CLEC20A: variants seen among roughly 807,000 people sequenced by gnomAD.
The protein encoded by CLEC20A is putative C-type lectin domain family 20 member A.
intron 5 of CLEC20A, among the ~76,000 whole-genome samples, chr1:178,487,484 A>C (rs1649176989): frequency 6.6e-6 from 1 of 152,108 alleles, no homozygotes; most frequent in African/African-American, 2.4e-5. Context: ...GTCCTCACCC[A>C]GCCACGCACC....
downstream of CLEC20A, chr1:178,479,067 G>C (rs1648868154): frequency 6.6e-6 from 1 of 152,262 alleles, no homozygotes; most frequent in Non-Finnish European, 1.5e-5. Flanking sequence ...AGCATGTATT[G>C]TGATAAAACT....
At chr1:178,497,005 G>A (rs542696719), upstream of CLEC20A, 14 of 399,208 alleles carry the variant, frequency 3.5e-5, no homozygotes, top group South Asian at 1.3e-4. Flanking sequence ...CGGAGCTGGC[G>A]GGGACTGTAG....
chr1:178,490,170 A>G (rs1225919629), exon 4 of CLEC20A: 2 of 398,636 alleles, frequency 5.0e-6, no homozygotes, highest in Non-Finnish European at 8.8e-6. Flanking sequence ...CAGTCCTCTC[A>G]CCATCATCGG....
At chr1:178,483,256 C>T (rs1284738225) in exon 6 of CLEC20A, 4 of 398,474 alleles carry the variant, frequency 1.0e-5, no homozygotes, top group Admixed American at 4.4e-5. Flanking sequence ...TCTCTTCTAT[C>T]AGTGCCACTC....
At chr1:178,496,960 ATGGCTGGGTGC>A (rs2101880930), upstream of CLEC20A, 6 of 400,002 alleles carry the variant, frequency 1.5e-5, no homozygotes, top group East Asian at 1.1e-4. Flanking sequence ...TGGCTGGGCG[ATGGCTGGGTGC>A]TGGCTGGGCA....
At chr1:178,490,075 A>G in exon 4 of CLEC20A, 1 of 398,832 alleles carries the variant, frequency 2.5e-6, no homozygotes, top group East Asian at 3.6e-5. Context: ...CACTCACCAT[A>G]GAAGCAGAAG....
At chr1:178,482,738 C>T (rs1649022961) in intron 6 of CLEC20A, 1 of 222,622 alleles carries the variant, frequency 4.5e-6, no homozygotes. Flanking sequence ...CTCATCTCTC[C>T]TTGAGCTCCC....
At chr1:178,481,809 C>T (rs1324296753) in intron 7 of CLEC20A, 1 of 152,156 alleles carries the variant, frequency 6.6e-6, no homozygotes, top group African/African-American at 2.4e-5. Flanking sequence ...GTGGACAAAG[C>T]AAGACCCTGA....
intron 5 of CLEC20A, chr1:178,484,752 G>A (rs1314735311): frequency 4.6e-5 from 7 of 152,200 alleles, no homozygotes; most frequent in Non-Finnish European, 1.0e-4. Context: ...GTGTGATTCA[G>A]TGAACAAAGC....
At chr1:178,497,101 A>C (rs1025230488), upstream of CLEC20A, 2 of 397,610 alleles carry the variant, frequency 5.0e-6, no homozygotes, top group Admixed American at 8.8e-5. Context: ...GATTTTACTA[A>C]ACAAATACTT....
At chr1:178,497,181 C>T (rs1056937280), upstream of CLEC20A, 2 of 389,236 alleles carry the variant, frequency 5.1e-6, no homozygotes, top group Non-Finnish European at 9.1e-6. Flanking sequence ...CGGAAGAGAT[C>T]CCTGTGTGGG....
rs180896041 is a variant in CLEC20A, at chr1:178,488,174, C to T, written c.928+327G>A. On this transcript the variant is annotated intron_variant, in intron 5 of 7. Transcript: ENST00000623247. The stretch of plus-strand genomic sequence containing the variant: ...CAGGCATCTTCCCCTCCACCTCCCC[C>T]AGGGCCTCAGCCTCTCACCTGAGAG... Among the ~76,000 whole-genome samples the T allele has an allele frequency of 7.2e-3, 1,093 of 152,316 alleles. 8 individuals are homozygous for T. Among genetic ancestry groups the T allele is most frequent in the Middle Eastern group, 0.02 (6 of 294 alleles).
intron 5 of CLEC20A, chr1:178,486,817 A>C: frequency 2.5e-6 from 1 of 398,218 alleles, no homozygotes; most frequent in Non-Finnish European, 4.4e-6. Flanking sequence ...CTGGGCAGTG[A>C]CCGGCGGCAT....
intron 4 of CLEC20A, among the ~76,000 whole-genome samples, chr1:178,489,013 T>A (rs1288801102): frequency 2.6e-5 from 4 of 152,136 alleles, no homozygotes; most frequent in African/African-American, 4.8e-5. Context: ...AGATTAGTGA[T>A]GATAGTTGGA....
At position 178,491,868 on chromosome 1, in the gene CLEC20A, A is replaced by G. The variant is rs529873449; in HGVS notation, c.463+633T>C. Among the ~76,000 whole-genome samples the G allele has an allele frequency of 5.3e-5, 8 of 152,254 alleles. No homozygotes were observed. In the East Asian group the frequency reaches 1.5e-3, roughly 29 times the overall value. On this transcript the variant is annotated intron_variant, in intron 3 of 7. Coordinates refer to ENST00000623247, the Ensembl canonical transcript of CLEC20A. ...GCAGGTACTTGGGCTGTGAAAAGGA[A>G]CCACCCTGTCCCCAACCCCAGAGTG...
chr1:178,493,058 A>T (rs745605591), intron 2 of CLEC20A, among the ~76,000 whole-genome samples: 6 of 151,960 alleles, frequency 3.9e-5, no homozygotes, highest in Non-Finnish European at 7.4e-5. Context: ...CTGTGTAGAG[A>T]ACAGATTTTA....
upstream of CLEC20A, among the ~76,000 whole-genome samples, chr1:178,498,146 G>A (rs1649443496): frequency 6.6e-6 from 1 of 152,078 alleles, no homozygotes; most frequent in Non-Finnish European, 1.5e-5. Context: ...CGCAGGCAGA[G>A]GTGAGACAGT....
intron 1 of CLEC20A, among the ~76,000 whole-genome samples, chr1:178,495,352 C>G (rs1649362285): frequency 6.6e-6 from 1 of 152,206 alleles, no homozygotes; most frequent in African/African-American, 2.4e-5. Context: ...TGGGCAGGCT[C>G]TCAGCTCCAG....
chr1:178,483,157 G>A lies in CLEC20A; in HGVS notation c.1036+18C>T, dbSNP rs182270825. 3.9e-3 allele frequency: 1,562 copies of A among 398,588 alleles called. 8 individuals are homozygous for A. The highest frequency in any genetic ancestry group is 6.9e-3 in the Admixed American group (156 of 22,738). 24.7% of individuals were successfully genotyped at this position (398,588 alleles called of 1,614,324 possible). On this transcript the variant is annotated intron_variant, in intron 6 of 7. Coordinates refer to ENST00000623247, the Ensembl canonical transcript of CLEC20A. The stretch of plus-strand genomic sequence containing the variant: ...CTCCACTGGTAAGAGTAGGAACTTG[G>A]TAGACAGAAGCAGTTACCTGATTTT...
Sources: gnomAD v4.1 joint callset for allele counts (sites outside exome capture counted in the v4.1 genomes callset) on GRCh38, gnomAD v4.1.1 for gene constraint, MANE v1.5 for transcripts, NCBI Gene and HGNC (gene_info 2026-07-23, HGNC 2026-07-21) for gene names.